The following ARHGEF28 variants were observed in gnomAD, a reference collection of about 807,000 sequenced individuals.
ARHGEF28 encodes the protein 190 kDa guanine nucleotide exchange factor.
A neutral mutation model predicts 206.6 loss-of-function variants in ARHGEF28; 152 were observed. The ratio of observed to expected loss-of-function variants is 0.74; its 90% CI spans 0.64 to 0.84. The LOEUF is 0.84. ARHGEF28 is among the 40% of genes least tolerant of loss of function. The pLI, the probability that ARHGEF28 is intolerant of heterozygous loss-of-function variation, is 0.00. For missense variants in ARHGEF28, 2,028 were observed against 2,073.2 expected (o/e 0.98, Z 0.42); for synonymous variants, 763 against 776.4 (o/e 0.98, Z 0.29).
intron 35 of ARHGEF28, among the ~76,000 whole-genome samples, chr5:73,917,382 C>T (rs1763269267): frequency 1.3e-5 from 2 of 152,200 alleles, no homozygotes; most frequent in South Asian, 4.1e-4. Flanking sequence ...GTACTGGGCT[C>T]AAGGGCTTAA....
intron 12 of ARHGEF28, among the ~76,000 whole-genome samples, chr5:73,848,391 C>T (rs1758495343): frequency 6.6e-6 from 1 of 152,096 alleles, no homozygotes; most frequent in African/African-American, 2.4e-5. Flanking sequence ...ACATCCACCC[C>T]AGAAAGTGCT....
chr5:73,753,143 C>A lies in ARHGEF28; in HGVS notation c.416C>A (p.Ala139Asp). The A allele has an allele frequency of 6.4e-7, 1 of 1,560,884 alleles. No individual in the cohort carries two copies. The highest frequency in any genetic ancestry group is 8.7e-7 in the Non-Finnish European group (1 of 1,155,426). The change falls in exon 4 of 36, where the codon GCT becomes GAT. Residue 139 changes from alanine to aspartate, a missense_variant. Physicochemically the swap from Ala to Asp is moderately radical, Grantham distance 126. Coordinates refer to ENST00000513042, the MANE Select transcript of ARHGEF28 (RefSeq NM_001177693.2). ...GCCTTGGATGAGGAGCTCGTGCTGG[C>A]TCTGACCCATCTGGAATTGCCTCTA... ...LPALDEELVLALTHLELPLEW... is the reference protein window; with the variant it reads ...LPALDEELVLDLTHLELPLEW...
intron 1 of ARHGEF28, among the ~76,000 whole-genome samples, chr5:73,642,810 C>T (rs1744205414): frequency 6.6e-6 from 1 of 152,122 alleles, no homozygotes; most frequent in Non-Finnish European, 1.5e-5. Flanking sequence ...TTTTTACTAT[C>T]ATCATGCTCT....
Position 73,749,866 on chromosome 5 carries a change from C to T in ARHGEF28, c.63C>T (p.Asp21=). The T allele has an allele frequency of 6.2e-7, 1 of 1,613,970 alleles. No homozygotes were observed. ...AGATGATGATCTATGCGAAGTTTGA[C>T]AAAAATGTGTATCTTCCTGAAGATG... ...YGQMMIYAKF[D]KNVYLPEDAE... is the part of the protein sequence containing the mutation. The change falls in exon 3 of 36, where the codon GAC becomes GAT. Residue 21 remains aspartate (D), a synonymous_variant. Transcript: ENST00000513042.
chr5:73,764,196 C>G (rs140473046), intron 4 of ARHGEF28, among the ~76,000 whole-genome samples: 19 of 152,320 alleles, frequency 1.2e-4, no homozygotes, highest in African/African-American at 4.3e-4. Context: ...CCATTTCATT[C>G]TAGCTGTTAG....
intron 4 of ARHGEF28, among the ~76,000 whole-genome samples, chr5:73,762,353 G>A (rs1752645625): frequency 2.0e-5 from 3 of 151,246 alleles, no homozygotes; most frequent in African/African-American, 7.3e-5. Flanking sequence ...CTACTTGGGA[G>A]GCTGAGGCAG....
At chr5:73,678,316 T>A (rs1437102692) in intron 1 of ARHGEF28, among the ~76,000 whole-genome samples, 2 of 152,024 alleles carry the variant, frequency 1.3e-5, no homozygotes, top group African/African-American at 4.8e-5. Context: ...TGAAAAGTGG[T>A]TGCTCTGAAA....
chr5:73,860,051 C>T (rs1334155446), intron 16 of ARHGEF28, among the ~76,000 whole-genome samples: 2 of 152,282 alleles, frequency 1.3e-5, no homozygotes, highest in Non-Finnish European at 2.9e-5. Flanking sequence ...GTTTCCAGGT[C>T]GACATCTCTC....
intron 1 of ARHGEF28, among the ~76,000 whole-genome samples, chr5:73,679,605 A>G (rs1746940235): frequency 6.6e-6 from 1 of 151,612 alleles, no homozygotes; most frequent in South Asian, 2.1e-4. Context: ...TATGGCATGT[A>G]CTATCTATAT....
intron 2 of ARHGEF28, among the ~76,000 whole-genome samples, chr5:73,749,506 A>G (rs1421107771): frequency 2.0e-5 from 3 of 152,228 alleles, no homozygotes; most frequent in Non-Finnish European, 4.4e-5. Context: ...GTCTCTAAAA[A>G]TAATTTTTGA....
At chr5:73,926,676 T>C (rs1580114806) in intron 35 of ARHGEF28, among the ~76,000 whole-genome samples, 3 of 152,310 alleles carry the variant, frequency 2.0e-5, no homozygotes, top group African/African-American at 7.2e-5. Context: ...CAAGGCTCAG[T>C]TCATGTGCTT....
intron 4 of ARHGEF28, among the ~76,000 whole-genome samples, chr5:73,760,050 G>A (rs1407970307): frequency 6.6e-6 from 1 of 151,926 alleles, no homozygotes; most frequent in Non-Finnish European, 1.5e-5. Flanking sequence ...AATAGAGCAA[G>A]GCCCCAGAGC....
intron 5 of ARHGEF28, among the ~76,000 whole-genome samples, chr5:73,774,861 A>G (rs1440625464): frequency 6.6e-6 from 1 of 152,264 alleles, no homozygotes; most frequent in Non-Finnish European, 1.5e-5. Flanking sequence ...TTGTTAGAGT[A>G]AATGCTACAT....
chr5:73,780,709 A>C lies in ARHGEF28; in HGVS notation c.874A>C (p.Thr292Pro). 1 of 1,558,766 alleles carries C rather than the reference A, an allele frequency of 6.4e-7. No individual in the cohort carries two copies. Among genetic ancestry groups the C allele is most frequent in the East Asian group, 2.4e-5 (1 of 41,592 alleles). ...GCCAGAAGCCAGGCCAGAGGAAAGA[A>C]CAGCTATGCCCTCCAGCGGTGCAGA... ...FEPEARPEER[T>P]AMPSSGAETE... The change falls in exon 7 of 36, where the codon ACA becomes CCA. Residue 292 changes from threonine (T) to proline (P), a missense_variant. Physicochemically the swap from Thr to Pro is conservative, Grantham distance 38. This residue lies in a region of ARHGEF28 where 1,002 missense variants were observed against 1,015.3 expected (regional missense o/e 0.99). Transcript: ENST00000513042.
Position 73,752,647 on chromosome 5 carries a change from C to T in ARHGEF28, c.182-262C>T, listed in dbSNP as rs576064005. 9.9e-5 allele frequency among the ~76,000 whole-genome samples: 15 copies of T among 152,172 alleles called. No homozygotes were observed. In the South Asian group the frequency reaches 2.1e-3, roughly 21 times the overall value. ...AATGCTGAATAGCAGTGTTTGGTAACGATAGGAGAACAGATGCTCAAGTGT... is the reference window on the plus strand; with the variant it reads ...AATGCTGAATAGCAGTGTTTGGTAATGATAGGAGAACAGATGCTCAAGTGT... On this transcript the variant is annotated intron_variant, in intron 3 of 35. Coordinates refer to ENST00000513042, the MANE Select transcript of ARHGEF28 (RefSeq NM_001177693.2).
At position 73,860,878 on chromosome 5, in the gene ARHGEF28, A is replaced by G. The variant is rs556632160; in HGVS notation, c.2047+2659A>G. On this transcript the variant is annotated intron_variant, in intron 16 of 35. Transcript: ENST00000513042. ...CCCTTCAGCCTCAGTTTACAGTCTG[A>G]GGCCCCACCAGTTCCGTTGCCCTTT... 8.5e-5 allele frequency among the ~76,000 whole-genome samples: 13 copies of G among 152,228 alleles called. No homozygotes were observed. In the South Asian group the frequency reaches 2.5e-3, roughly 29 times the overall value.
At chr5:73,935,658 A>G (rs751707105) in intron 35 of ARHGEF28, among the ~76,000 whole-genome samples, 3 of 152,252 alleles carry the variant, frequency 2.0e-5, no homozygotes, top group Non-Finnish European at 2.9e-5. Context: ...AACAGGGAAT[A>G]TAACTTATAT....
chr5:73,646,970 G>C (rs1024860361), intron 1 of ARHGEF28, among the ~76,000 whole-genome samples: 6 of 152,114 alleles, frequency 3.9e-5, no homozygotes, highest in African/African-American at 1.4e-4. Context: ...ACTTGTCTGC[G>C]TCTTGCCAGT....
intron 24 of ARHGEF28, among the ~76,000 whole-genome samples, chr5:73,885,474 AT>A (rs747988864): frequency 0.017 from 2,353 of 137,976 alleles, 60 homozygotes; most frequent in African/African-American, 0.054. Flanking sequence ...ATAGGATTTA[AT>A]TTTTTTTTTT....
Sources: allele counts gnomAD v4.1 joint callset (sites outside exome capture counted in the v4.1 genomes callset), GRCh38; gene constraint gnomAD v4.1.1; regional missense constraint gnomAD v4.1.1; transcripts MANE v1.5; gene names NCBI Gene and HGNC (gene_info 2026-07-23, HGNC 2026-07-21).